MAK: variants seen among roughly 807,000 people sequenced by gnomAD.
The protein encoded by MAK is serine/threonine-protein kinase MAK.
Under a neutral mutation model 82.6 loss-of-function variants are expected in MAK, and 65 were observed. That is an observed-to-expected ratio of 0.79 (90% confidence interval 0.64 to 0.97). MAK has a LOEUF of 0.97. MAK is among the 50% of genes least tolerant of loss of function. The pLI is 0.00. For missense variants in MAK, 703 were observed against 780.2 expected, an observed-to-expected ratio of 0.90 and a Z score of 1.18; for synonymous variants, 250 against 274.2, an observed-to-expected ratio of 0.91 and a Z score of 0.87.
intron 7 of MAK, chr6:10,802,310 T>C: frequency 9.2e-6 from 4 of 432,568 alleles, no homozygotes; most frequent in Non-Finnish European, 1.7e-5. Context: ...TGTTTGTTTT[T>C]TTGTGTTTTT....
intron 2 of MAK, among the ~76,000 whole-genome samples, chr6:10,821,370 G>A (rs1561998182): frequency 6.6e-6 from 1 of 152,196 alleles, no homozygotes; most frequent in Non-Finnish European, 1.5e-5. Flanking sequence ...CTGTCTCCCA[G>A]GTTCAAGCGA....
chr6:10,782,258 A>ACACACC (rs1774069488), intron 11 of MAK, among the ~76,000 whole-genome samples: 1 of 151,098 alleles, frequency 6.6e-6, no homozygotes, highest in African/African-American at 2.4e-5. Context: ...ACAGACACAC[A>ACACACC]CCAAAACTAT....
intron 11 of MAK, chr6:10,780,359 C>A (rs1455784903): frequency 2.4e-6 from 1 of 410,662 alleles, no homozygotes; most frequent in African/African-American, 2.2e-5. Context: ...GGATAAATAT[C>A]CTTTGACAAA....
intron 1 of MAK, 63 bp from the exon 2 acceptor site, chr6:10,830,940 G>A: frequency 2.6e-6 from 1 of 387,498 alleles, no homozygotes; most frequent in Non-Finnish European, 4.9e-6. Context: ...AAATTGTACT[G>A]GCAACTTAGA....
intron 1 of MAK, among the ~76,000 whole-genome samples, chr6:10,833,163 T>C (rs540411156): frequency 6.6e-6 from 1 of 152,306 alleles, no homozygotes; most frequent in African/African-American, 2.4e-5. Flanking sequence ...TACTTAAGAT[T>C]TCCCAAAACA....
intron 11 of MAK, 102 bp downstream of exon 11, chr6:10,784,322 T>C (rs2127532449): frequency 8.0e-7 from 1 of 1,255,974 alleles, no homozygotes; most frequent in Non-Finnish European, 1.2e-6. Flanking sequence ...TGTGATTAGA[T>C]TTTTTGCTTC....
chr6:10,795,437 C>T (rs779134874), intron 9 of MAK, among the ~76,000 whole-genome samples: 4 of 150,780 alleles, frequency 2.7e-5, no homozygotes, highest in East Asian at 3.9e-4. Flanking sequence ...AGTGAAACTC[C>T]GTCTCAAGAA....
At chr6:10,822,369 G>T (rs558654391) in intron 2 of MAK, among the ~76,000 whole-genome samples, 2 of 151,356 alleles carry the variant, frequency 1.3e-5, no homozygotes, top group Non-Finnish European at 2.9e-5. Flanking sequence ...CAGGAGAATC[G>T]CTTGAACCTG....
chr6:10,796,192 C>A lies in MAK; in HGVS notation c.949G>T (p.Val317Phe). 6.2e-7 allele frequency: 1 copy of A among 1,614,182 alleles called. No individual in the cohort carries two copies. The highest frequency in any genetic ancestry group is 8.5e-7 in the Non-Finnish European group (1 of 1,180,034). ...GGCAGAGGCTTAGGCTCTACCTCAA[C>A]TAAAGATGGCTTTGATTCTAATGGT... is the stretch of plus-strand genomic sequence containing the variant. ...LQPLESKPSLVEVEPKPLPDI... is the reference protein window; with the variant it reads ...LQPLESKPSLFEVEPKPLPDI... Residue 317 changes from valine (V) to phenylalanine (F), a missense_variant, in exon 9 of 15, where the codon GTT becomes TTT. Coordinates refer to ENST00000354489, the MANE Select transcript of MAK (RefSeq NM_001242957.3).
chr6:10,778,296 G>A (rs1190729836), intron 11 of MAK, among the ~76,000 whole-genome samples: 2 of 152,178 alleles, frequency 1.3e-5, no homozygotes, highest in East Asian at 1.9e-4. Flanking sequence ...AATACATAAT[G>A]AGCAGGGTGC....
chr6:10,835,144 A>T (rs1436832116), intron 1 of MAK, among the ~76,000 whole-genome samples: 2 of 152,252 alleles, frequency 1.3e-5, no homozygotes, highest in African/African-American at 4.8e-5. Context: ...TAGTTTCTTT[A>T]CATCCCCTTG....
intron 1 of MAK, among the ~76,000 whole-genome samples, chr6:10,831,644 G>A (rs1441278839): frequency 4.6e-5 from 7 of 152,080 alleles, no homozygotes; most frequent in Admixed American, 4.6e-4. Context: ...TACTTGGGAG[G>A]CTGAGGCACG....
In MAK at chr6:10,830,715, GCTT is replaced by G. The variant is rs1345890026; in HGVS notation, c.-70_-68del. ...TTCCTTGTTGAATATAAATTTGAAC[GCTT>G]CTTAATTTTTATTTGCTTTTGTCCT... On this transcript the variant is annotated 5_prime_UTR_variant, in exon 2 of 15. Transcript: ENST00000354489. The G allele has an allele frequency of 1.6e-6, 2 of 1,261,260 alleles. No homozygotes were observed. Among genetic ancestry groups the G allele is most frequent in the Non-Finnish European group, 2.3e-6 (2 of 859,282 alleles). The allele number at this position is 1,261,260 out of a possible 1,614,324, so 78.1% of individuals were successfully genotyped here. A position where few individuals can be genotyped will look rare whatever the true frequency, so the allele number is the denominator to read the frequency against.
intron 6 of MAK, among the ~76,000 whole-genome samples, chr6:10,808,174 C>A (rs1278883549): frequency 6.6e-6 from 1 of 152,174 alleles, no homozygotes; most frequent in Admixed American, 6.5e-5. Context: ...TCCTGACTTT[C>A]ATGGCACAGA....
At chr6:10,827,025 C>T (rs547377349) in intron 2 of MAK, among the ~76,000 whole-genome samples, 3 of 152,102 alleles carry the variant, frequency 2.0e-5, no homozygotes, top group African/African-American at 7.2e-5. Flanking sequence ...GCAGAAGAAT[C>T]GCTTGAACCC....
At position 10,838,535 on chromosome 6, in the gene MAK, T is replaced by C. The variant is rs1030219376; in HGVS notation, c.-262A>G. ...GCTCCCTTGTGAAGCTCCGGCGTCTTGTGTGTTTCATCTCCTAGGAAACGG... is the reference window on the plus strand; with the variant it reads ...GCTCCCTTGTGAAGCTCCGGCGTCTCGTGTGTTTCATCTCCTAGGAAACGG... On this transcript the variant is annotated 5_prime_UTR_variant, in exon 1 of 15. Transcript: ENST00000354489. 1 of 152,352 alleles carries C rather than the reference T, an allele frequency of 6.6e-6. No homozygotes were observed. The highest frequency in any genetic ancestry group is 6.5e-5 in the Admixed American group (1 of 15,306). 9.4% of individuals were successfully genotyped at this position (152,352 alleles called of 1,614,324 possible).
chr6:10,776,254 G>A lies in MAK; in HGVS notation c.1466-795C>T, dbSNP rs562546196. Among the ~76,000 whole-genome samples the A allele has an allele frequency of 7.9e-4, 120 of 152,260 alleles. No homozygotes were observed. Among genetic ancestry groups the A allele is most frequent in the Middle Eastern group, 3.4e-3 (1 of 294 alleles). ...TTTGTATATGAGATACAGTAAAATG[G>A]AAACAGTTTATCCCCTGTGCGCCAG... On this transcript the variant is annotated intron_variant, in intron 11 of 14. Coordinates refer to ENST00000354489, the MANE Select transcript of MAK (RefSeq NM_001242957.3). The surrounding 1 kb of genome is among the most constrained non-coding windows in gnomAD (Gnocchi z 4.3).
At chr6:10,805,081 T>TGGGGG (rs1776317786) in intron 6 of MAK, among the ~76,000 whole-genome samples, 1 of 47,422 alleles carries the variant, frequency 2.1e-5, no homozygotes, top group African/African-American at 8.0e-5. Flanking sequence ...GGGGGGGGGG[T>TGGGGG]GGGGAGGGGG....
intron 10 of MAK, among the ~76,000 whole-genome samples, chr6:10,787,641 G>A (rs1033612718): frequency 6.6e-6 from 1 of 152,012 alleles, no homozygotes; most frequent in Non-Finnish European, 1.5e-5. Flanking sequence ...GGTGGATCAC[G>A]AGGTCGGGAG....
Sources: gnomAD v4.1 joint callset for allele counts (sites outside exome capture counted in the v4.1 genomes callset) on GRCh38, gnomAD v4.1.1 for gene constraint, Gnocchi (gnomAD v3.1) non-coding constraint, MANE v1.5 for transcripts, NCBI Gene and HGNC (gene_info 2026-07-23, HGNC 2026-07-21) for gene names.